The following ZNF383 variants were observed in gnomAD, a reference collection of about 807,000 sequenced individuals.
ZNF383 encodes the protein zinc finger protein 383.
Under a neutral mutation model 44.2 loss-of-function variants are expected in ZNF383, and 32 were observed. The observed-to-expected ratio is 0.72, with a 90% confidence interval of 0.55 to 0.97. The LOEUF (loss-of-function observed/expected upper bound fraction) is 0.97. Ranked by LOEUF, ZNF383 falls within the 50% of genes least tolerant of loss-of-function variation. The probability of loss-of-function intolerance (pLI) is 0.00; values close to 1 mark genes in which losing one functional copy is unlikely to be tolerated. For synonymous variants in ZNF383, 155 were observed against 186.2 expected (o/e 0.83, Z 1.36); for missense variants, 487 against 562.5 (o/e 0.87, Z 1.36).
At position 37,248,374 on chromosome 19, in the gene ZNF383, G is replaced by A. The variant is rs2145560617; in HGVS notation, c.*4710G>A. ...GTCCAGAATCAGTTATGAAAATACA[G>A]CATTATAAATTAGCAAATCAAATCT... On this transcript the variant is annotated 3_prime_UTR_variant, in exon 6 of 6. Transcript: ENST00000684119. 1 of 152,196 alleles carries A rather than the reference G, an allele frequency of 6.6e-6. No individual in the cohort carries two copies. The highest frequency in any genetic ancestry group is 6.5e-5 in the Admixed American group (1 of 15,286). The allele number at this position is 152,196 out of a possible 1,614,324, so 9.4% of individuals were successfully genotyped here. A position where few individuals can be genotyped will look rare whatever the true frequency, so the allele number is the denominator to read the frequency against.
rs1974398983 is a variant in ZNF383 at position 37,247,060 on chromosome 19, A to C, written c.*3396A>C. ...TAATATATACATTATTTAAATGTACATGAAAATGAAAACAATTGAAAAACC... is the reference window on the plus strand; with the variant it reads ...TAATATATACATTATTTAAATGTACCTGAAAATGAAAACAATTGAAAAACC... On this transcript the variant is annotated 3_prime_UTR_variant, in exon 6 of 6. Transcript: ENST00000684119. 1 of 152,218 alleles carries C rather than the reference A, an allele frequency of 6.6e-6. No individual in the cohort carries two copies. Among genetic ancestry groups the C allele is most frequent in the South Asian group, 2.1e-4 (1 of 4,832 alleles). The allele number at this position is 152,218 out of a possible 1,614,324, so 9.4% of individuals were successfully genotyped here.
At chr19:37,220,289 C>T (rs535463895) in intron 1 of ZNF383, among the ~76,000 whole-genome samples, 3 of 152,048 alleles carry the variant, frequency 2.0e-5, no homozygotes, top group South Asian at 4.2e-4. Context: ...AGTGCAGAGG[C>T]GCGTTCTCAG....
chr19:37,225,668 A>C (rs1973125759), intron 2 of ZNF383, among the ~76,000 whole-genome samples: 1 of 152,110 alleles, frequency 6.6e-6, no homozygotes, highest in Non-Finnish European at 1.5e-5. Context: ...AAGGGGATTC[A>C]CTGCAGTTAG....
At position 37,243,728 on chromosome 19, in the gene ZNF383, C is replaced by T; in HGVS notation, c.*64C>T. On this transcript the variant is annotated 3_prime_UTR_variant, in exon 6 of 6. Coordinates refer to ENST00000684119, the MANE Select transcript of ZNF383 (RefSeq NM_001387601.1). Reference sequence around the variant, plus strand: ...ACCAAAAATCATGTCTAATAGTTACCCTCTTCCGTAGTTTTTTTTAAAACT... The same window carrying T: ...ACCAAAAATCATGTCTAATAGTTACTCTCTTCCGTAGTTTTTTTTAAAACT... 9.0e-7 allele frequency: 1 copy of T among 1,104,992 alleles called. No individual in the cohort carries two copies. The highest frequency in any genetic ancestry group is 1.3e-6 in the Non-Finnish European group (1 of 792,922). The allele number at this position is 1,104,992 out of a possible 1,614,324, so 68.4% of individuals were successfully genotyped here. A position where few individuals can be genotyped will look rare whatever the true frequency, so the allele number is the denominator to read the frequency against.
intron 5 of ZNF383, among the ~76,000 whole-genome samples, chr19:37,236,715 G>A (rs1220564821): frequency 5.3e-5 from 8 of 151,814 alleles, no homozygotes; most frequent in Middle Eastern, 3.4e-3. Flanking sequence ...GACTACAGGC[G>A]CATGCCACCA....
intron 2 of ZNF383, among the ~76,000 whole-genome samples, chr19:37,228,548 G>T (rs1254736398): frequency 6.6e-6 from 1 of 152,028 alleles, no homozygotes; most frequent in Non-Finnish European, 1.5e-5. Flanking sequence ...CCCAGAGTAT[G>T]CAATAAGCTC....
At chr19:37,234,506 A>G (rs1206643243) in intron 3 of ZNF383, among the ~76,000 whole-genome samples, 1 of 152,154 alleles carries the variant, frequency 6.6e-6, no homozygotes, top group African/African-American at 2.4e-5. Context: ...CTCCTGCCTC[A>G]GCCTCCTGAG....
intron 1 of ZNF383, among the ~76,000 whole-genome samples, chr19:37,220,120 C>G (rs1437717025): frequency 6.6e-6 from 1 of 152,214 alleles, no homozygotes; most frequent in Non-Finnish European, 1.5e-5. Context: ...AGTAAGTTTC[C>G]TATGCACATA....
At chr19:37,227,863 T>C (rs1186859234) in intron 2 of ZNF383, 1 of 152,210 alleles carries the variant, frequency 6.6e-6, no homozygotes, top group Non-Finnish European at 1.5e-5. Context: ...TTAAAGACTT[T>C]AGTTTTGTTA....
intron 2 of ZNF383, among the ~76,000 whole-genome samples, chr19:37,226,905 G>A (rs924966179): frequency 6.6e-5 from 10 of 151,930 alleles, no homozygotes; most frequent in East Asian, 1.9e-4. Context: ...TGCAACCTCC[G>A]CCTCCTGGTC....
chr19:37,242,012 CTA>C (rs955917543), intron 5 of ZNF383, among the ~76,000 whole-genome samples: 2 of 5,920 alleles, frequency 3.4e-4, no homozygotes, highest in Admixed American at 2.9e-3. Context: ...ATATACTTAT[CTA>C]TATATACTAT....
Position 37,242,544 on chromosome 19 carries a change from A to C in ZNF383, c.308A>C (p.Glu103Ala). ...EVYEIELCQR[E>A]IMGLTKHGLE... ...TATGAAATAGAATTATGCCAGAGGG[A>C]GATAATGGGACTTACAAAGCATGGC... Residue 103 changes from glutamate to alanine, a missense_variant, in exon 6 of 6, where the codon GAG becomes GCG. Coordinates refer to ENST00000684119, the MANE Select transcript of ZNF383 (RefSeq NM_001387601.1). The C allele has an allele frequency of 6.2e-7, 1 of 1,613,960 alleles. No homozygotes were observed. The highest frequency in any genetic ancestry group is 8.5e-7 in the Non-Finnish European group (1 of 1,179,906).
At chr19:37,233,120 GTATT>G (rs56893941) in intron 3 of ZNF383, among the ~76,000 whole-genome samples, 32,078 of 150,918 alleles carry the variant, frequency 0.21, 3,994 homozygotes, top group South Asian at 0.28. Context: ...ATTTGTTTTT[GTATT>G]TATTTATTTA....
At chr19:37,227,138 G>A (rs1295115627) in intron 2 of ZNF383, among the ~76,000 whole-genome samples, 1 of 97,508 alleles carries the variant, frequency 1.0e-5, no homozygotes, top group African/African-American at 4.5e-5. Flanking sequence ...TTTTGAGACA[G>A]AGCTTCGCTC....
chr19:37,228,505 G>A (rs1417443813), intron 2 of ZNF383, among the ~76,000 whole-genome samples: 1 of 151,602 alleles, frequency 6.6e-6, no homozygotes, highest in Non-Finnish European at 1.5e-5. Flanking sequence ...TTGTGCCCTT[G>A]GTCTCTTCCC....
intron 1 of ZNF383, among the ~76,000 whole-genome samples, chr19:37,220,218 G>T (rs1972851258): frequency 6.6e-6 from 1 of 151,914 alleles, no homozygotes; most frequent in Non-Finnish European, 1.5e-5. Context: ...TCTTATATTT[G>T]GTTTTCTTTT....
intron 3 of ZNF383, among the ~76,000 whole-genome samples, chr19:37,234,797 C>A (rs1293127095): frequency 1.3e-5 from 2 of 152,168 alleles, no homozygotes; most frequent in Non-Finnish European, 2.9e-5. Flanking sequence ...GGAGTATCTT[C>A]AAGTTGCCTC....
intron 3 of ZNF383, among the ~76,000 whole-genome samples, chr19:37,235,222 G>A (rs983090952): frequency 2.7e-5 from 4 of 150,282 alleles, no homozygotes; most frequent in African/African-American, 4.9e-5. Flanking sequence ...GCGGTGAGCC[G>A]ACATCATGCC....
At chr19:37,240,076 T>G (rs1017497117) in intron 5 of ZNF383, among the ~76,000 whole-genome samples, 1 of 151,838 alleles carries the variant, frequency 6.6e-6, no homozygotes, top group Non-Finnish European at 1.5e-5. Flanking sequence ...GGGGAATCGC[T>G]TGAACCCTGG....
Sources: gnomAD v4.1 joint callset for allele counts (sites outside exome capture counted in the v4.1 genomes callset) on GRCh38, gnomAD v4.1.1 for gene constraint, MANE v1.5 for transcripts, NCBI Gene and HGNC (gene_info 2026-07-23, HGNC 2026-07-21) for gene names.